The following NKAIN3 variants were observed in gnomAD, a reference collection of about 807,000 sequenced individuals.
The protein encoded by NKAIN3 is sodium/potassium transporting ATPase interacting 3.
A neutral mutation model predicts 30.2 loss-of-function variants in NKAIN3; 25 were observed. The observed-to-expected ratio is 0.83, with a 90% CI of 0.60 to 1.16. The LOEUF (loss-of-function observed/expected upper bound fraction) is 1.16. NKAIN3 is among the 50% of genes most tolerant of loss of function. NKAIN3 has a pLI of 0.00. For missense variants in NKAIN3, 225 were observed against 254.1 expected, an observed-to-expected ratio of 0.89 and a Z score of 0.78; for synonymous variants, 91 against 89.6, an observed-to-expected ratio of 1.02 and a Z score of -0.09.
intron 1 of NKAIN3, among the ~76,000 whole-genome samples, chr8:62,472,180 G>A (rs1399929472): frequency 1.3e-5 from 2 of 152,118 alleles, no homozygotes; most frequent in Non-Finnish European, 2.9e-5. Context: ...GCTGAACTCG[G>A]TTACAGATTT....
chr8:62,712,106 C>T (rs1814741629), intron 3 of NKAIN3, among the ~76,000 whole-genome samples: 1 of 152,178 alleles, frequency 6.6e-6, no homozygotes, highest in Non-Finnish European at 1.5e-5. Context: ...ATGGGTTTCT[C>T]AGCCATGGAT....
chr8:62,688,896 G>A (rs1296737689), intron 3 of NKAIN3, among the ~76,000 whole-genome samples: 3 of 151,712 alleles, frequency 2.0e-5, no homozygotes, highest in Non-Finnish European at 4.4e-5. Context: ...ATTACAATGT[G>A]GAATGTTGAA....
At chr8:62,864,182 G>C (rs1820349600) in intron 4 of NKAIN3, 1 of 644,430 alleles carries the variant, frequency 1.6e-6, no homozygotes. Context: ...CAACCGACCG[G>C]GAGGAGGCTC....
At position 62,619,698 on chromosome 8, in the gene NKAIN3, T is replaced by TGA. The variant is rs1554555050; in HGVS notation, c.273+29904_273+29905insGA. Among the ~76,000 whole-genome samples the TGA allele has an allele frequency of 4.2e-5, 6 of 141,858 alleles. No individual in the cohort carries two copies. In the East Asian group the frequency reaches 1.0e-3, roughly 24 times the overall value. The allele number at this position is 141,858 out of a possible 152,430, so 93.1% of individuals were successfully genotyped here. A position where few individuals can be genotyped will look rare whatever the true frequency, so the allele number is the denominator to read the frequency against. On this transcript the variant is annotated intron_variant, in intron 3 of 6. Coordinates refer to ENST00000623646, the MANE Select transcript of NKAIN3 (RefSeq NM_001304533.3). The stretch of plus-strand genomic sequence containing the variant: ...TCAGAATAAATTTCTTCAAATATTG[T>TGA]AAAAAAAAAAAAAAGGCTGGAAATA...
At chr8:62,628,506 G>A (rs1811856605) in intron 3 of NKAIN3, among the ~76,000 whole-genome samples, 1 of 151,920 alleles carries the variant, frequency 6.6e-6, no homozygotes, top group Non-Finnish European at 1.5e-5. Flanking sequence ...CAATCTAAAT[G>A]TTTCATTTCT....
chr8:62,321,212 G>GT (rs1563932681), intron 1 of NKAIN3, among the ~76,000 whole-genome samples: 1 of 152,062 alleles, frequency 6.6e-6, no homozygotes, highest in East Asian at 1.9e-4. Context: ...CTCTGCATTG[G>GT]TTATTCTAGT....
At chr8:62,686,900 A>G (rs1030601536) in intron 3 of NKAIN3, among the ~76,000 whole-genome samples, 1 of 152,236 alleles carries the variant, frequency 6.6e-6, no homozygotes, top group South Asian at 2.1e-4. Flanking sequence ...TAGAGATGTC[A>G]TCTGTATGAC....
intron 4 of NKAIN3, among the ~76,000 whole-genome samples, chr8:62,838,646 G>T (rs942653280): frequency 6.6e-6 from 1 of 151,908 alleles, no homozygotes; most frequent in African/African-American, 2.4e-5. Flanking sequence ...CTCCATATAC[G>T]GAAGCCTTTT....
intron 1 of NKAIN3, among the ~76,000 whole-genome samples, chr8:62,472,777 A>C (rs1194678574): frequency 6.6e-6 from 1 of 152,232 alleles, no homozygotes. Flanking sequence ...AAGATGCGGC[A>C]GCCACTTAAC....
At chr8:62,415,660 C>T (rs1255981208) in intron 1 of NKAIN3, among the ~76,000 whole-genome samples, 1 of 151,412 alleles carries the variant, frequency 6.6e-6, no homozygotes, top group Non-Finnish European at 1.5e-5. Context: ...CCTACAAGGA[C>T]ATGTTGAATA....
At chr8:62,471,971 C>T (rs1806366358) in intron 1 of NKAIN3, among the ~76,000 whole-genome samples, 2 of 147,158 alleles carry the variant, frequency 1.4e-5, no homozygotes, top group East Asian at 4.0e-4. Flanking sequence ...CTCAAACCAA[C>T]AAACAAACAA....
At chr8:62,328,727 G>T (rs1365716551) in intron 1 of NKAIN3, among the ~76,000 whole-genome samples, 1 of 152,042 alleles carries the variant, frequency 6.6e-6, no homozygotes, top group African/African-American at 2.4e-5. Flanking sequence ...GCATAAATGT[G>T]TTTACTTTGT....
chr8:62,442,704 T>A (rs1287125342), intron 1 of NKAIN3, among the ~76,000 whole-genome samples: 2 of 151,876 alleles, frequency 1.3e-5, no homozygotes, highest in African/African-American at 4.8e-5. Flanking sequence ...GTCTGATAGA[T>A]CCATTGAAAG....
chr8:62,738,878 A>G (rs1023488564), intron 3 of NKAIN3, among the ~76,000 whole-genome samples: 6 of 152,104 alleles, frequency 3.9e-5, no homozygotes, highest in African/African-American at 7.2e-5. Context: ...ATGCCCTCCA[A>G]TGATAGACTG....
intron 1 of NKAIN3, among the ~76,000 whole-genome samples, chr8:62,345,434 T>C (rs1310423702): frequency 7.1e-6 from 1 of 139,948 alleles, no homozygotes; most frequent in African/African-American, 2.8e-5. Context: ...TATACACATA[T>C]ATGTATATAT....
At chr8:62,654,874 G>A (rs1779757594) in intron 3 of NKAIN3, among the ~76,000 whole-genome samples, 1 of 152,104 alleles carries the variant, frequency 6.6e-6, no homozygotes, top group Non-Finnish European at 1.5e-5. Context: ...TCTCAAATAA[G>A]AGAGAGGCCA....
chr8:62,730,724 G>T (rs1057160906), intron 3 of NKAIN3, among the ~76,000 whole-genome samples: 1 of 152,028 alleles, frequency 6.6e-6, no homozygotes, highest in South Asian at 2.1e-4. Flanking sequence ...CAATAATGAA[G>T]ACTTTTACCT....
At chr8:62,934,629 T>C (rs1015585821) in intron 5 of NKAIN3, among the ~76,000 whole-genome samples, 1 of 151,880 alleles carries the variant, frequency 6.6e-6, no homozygotes, top group African/African-American at 2.4e-5. Context: ...AAAAACTAAA[T>C]ACTAAAGCAA....
At chr8:62,560,575 T>C (rs1334501604) in intron 1 of NKAIN3, among the ~76,000 whole-genome samples, 1 of 143,218 alleles carries the variant, frequency 7.0e-6, no homozygotes, top group Non-Finnish European at 1.5e-5. Flanking sequence ...GTTTCTCTCT[T>C]GTCACCCAGG....
Sources: gnomAD v4.1 joint callset for allele counts (sites outside exome capture counted in the v4.1 genomes callset) on GRCh38, gnomAD v4.1.1 for gene constraint, MANE v1.5 for transcripts, NCBI Gene and HGNC (gene_info 2026-07-23, HGNC 2026-07-21) for gene names.